The following AFF3 variants were observed in gnomAD, a reference collection of about 807,000 sequenced individuals.
The protein encoded by AFF3 is ALF transcription elongation factor 3, also known as AF4/FMR2 family member 3.
AFF3 carries 32 observed loss-of-function variants against 129.7 expected under a neutral mutation model. The ratio of observed to expected loss-of-function variants is 0.25; its 90% CI spans 0.19 to 0.33. The LOEUF is 0.33. Among genes scored for constraint, AFF3 ranks in the 10% least tolerant of loss-of-function variants. AFF3 has a pLI of 1.00. For synonymous variants in AFF3, 644 were observed against 635.4 expected, an observed-to-expected ratio of 1.01 and a Z score of -0.20; for missense variants, 1,373 against 1,592.0, an observed-to-expected ratio of 0.86 and a Z score of 2.34.
chr2:99,582,062 C>T (rs1397460627), intron 17 of AFF3, among the ~76,000 whole-genome samples: 1 of 151,980 alleles, frequency 6.6e-6, no homozygotes, highest in Non-Finnish European at 1.5e-5. Context: ...ACCATGTTGG[C>T]CAGGCTGGTC....
At chr2:100,043,297 G>A (rs2105070418) in intron 4 of AFF3, among the ~76,000 whole-genome samples, 1 of 152,282 alleles carries the variant, frequency 6.6e-6, no homozygotes, top group Admixed American at 6.5e-5. Flanking sequence ...TGTGGCCTCA[G>A]CTCCAGTCGG....
intron 9 of AFF3, 21 bp from the exon 10 acceptor site, chr2:99,744,161 A>G: frequency 3.1e-6 from 5 of 1,599,094 alleles, no homozygotes; most frequent in Non-Finnish European, 4.3e-6. Flanking sequence ...AAGAAATATC[A>G]ATTAATTTTC....
intron 16 of AFF3, among the ~76,000 whole-genome samples, chr2:99,584,278 G>A (rs1443143118): frequency 2.0e-5 from 3 of 151,916 alleles, no homozygotes; most frequent in Non-Finnish European, 4.4e-5. Flanking sequence ...GACCAGCCTG[G>A]CCAACACGGT....
At chr2:99,658,388 G>T (rs1230104889) in intron 12 of AFF3, among the ~76,000 whole-genome samples, 1 of 152,048 alleles carries the variant, frequency 6.6e-6, no homozygotes, top group East Asian at 1.9e-4. Context: ...CATGTGTGAG[G>T]TTATTAGTGT....
intron 7 of AFF3, among the ~76,000 whole-genome samples, chr2:99,914,131 C>A (rs1032927381): frequency 1.3e-5 from 2 of 152,002 alleles, no homozygotes; most frequent in African/African-American, 4.8e-5. Flanking sequence ...TGGCAGATAC[C>A]CTCTTAACCA....
chr2:99,749,025 T>C lies in AFF3; in HGVS notation c.1002+3196A>G, dbSNP rs191598667. The stretch of plus-strand genomic sequence containing the variant: ...TTCACGCAGTACAATGTCTATGCTG[T>C]GTGTGTGTGTACACATATGTGTGTG... On this transcript the variant is annotated intron_variant, in intron 9 of 24. Coordinates refer to ENST00000672756, the MANE Select transcript of AFF3 (RefSeq NM_001386135.1). 4.5e-3 allele frequency among the ~76,000 whole-genome samples: 681 copies of C among 152,106 alleles called. 3 individuals carry two copies. Among genetic ancestry groups the C allele is most frequent in the African/African-American group, 0.016 (646 of 41,504 alleles).
At chr2:99,921,990 A>G (rs1381830087) in intron 7 of AFF3, among the ~76,000 whole-genome samples, 1 of 152,196 alleles carries the variant, frequency 6.6e-6, no homozygotes, top group Non-Finnish European at 1.5e-5. Flanking sequence ...TAGGAAATAC[A>G]AATTAAAGCC....
chr2:99,694,285 G>A (rs189368925), intron 11 of AFF3, among the ~76,000 whole-genome samples: 1 of 152,286 alleles, frequency 6.6e-6, no homozygotes, highest in Admixed American at 6.5e-5. Context: ...GCACATTAAG[G>A]TCAAATTCTG....
At chr2:100,142,336 G>T (rs1692924381) in intron 1 of AFF3, 148 bp downstream of exon 1, 1 of 151,546 alleles carries the variant, frequency 6.6e-6, no homozygotes, top group Non-Finnish European at 1.5e-5. Context: ...ATCTCGGTGA[G>T]GCTGACCAAG....
chr2:99,981,975 C>T (rs1229144024), intron 7 of AFF3, among the ~76,000 whole-genome samples: 1 of 152,170 alleles, frequency 6.6e-6, no homozygotes, highest in African/African-American at 2.4e-5. Context: ...CAAAAGAAGC[C>T]AGTACCTTCT....
intron 21 of AFF3, among the ~76,000 whole-genome samples, chr2:99,559,217 ACT>A (rs891810485): frequency 1.3e-5 from 2 of 152,144 alleles, no homozygotes; most frequent in Non-Finnish European, 1.5e-5. Flanking sequence ...TAGGTGAATC[ACT>A]CTGTTGGGTC....
rs553197105 is a variant in AFF3 at position 99,782,228 on chromosome 2, G to T, written c.922-29927C>A. ...ACTGTTAACAGAGTGCACCTGAAAG[G>T]CTTAAAGGTAGACCCTACCAAAAGC... is the stretch of plus-strand genomic sequence containing the variant. On this transcript the variant is annotated intron_variant, in intron 8 of 24. Coordinates refer to ENST00000672756, the MANE Select transcript of AFF3 (RefSeq NM_001386135.1). Among the ~76,000 whole-genome samples, 12 of 152,260 alleles carry T rather than the reference G, an allele frequency of 7.9e-5. 1 individual carries two copies. The highest frequency in any genetic ancestry group is 2.0e-4 in the Admixed American group (3 of 15,294).
intron 4 of AFF3, among the ~76,000 whole-genome samples, chr2:100,016,373 T>A (rs1344467425): frequency 6.6e-6 from 1 of 151,228 alleles, no homozygotes; most frequent in African/African-American, 2.4e-5. Context: ...GTGATGGTGA[T>A]GGTGGTGGTT....
chr2:99,559,107 TATA>T, intron 21 of AFF3, 139 bp from the exon 22 acceptor site: 1 of 682,116 alleles, frequency 1.5e-6, no homozygotes, highest in South Asian at 1.9e-5. Flanking sequence ...TATACGTGCA[TATA>T]ATGTCTGTGA....
At chr2:99,640,620 T>A (rs574812603) in intron 13 of AFF3, among the ~76,000 whole-genome samples, 4 of 151,876 alleles carry the variant, frequency 2.6e-5, no homozygotes, top group African/African-American at 9.6e-5. Context: ...GAGGGTTTTT[T>A]TTTTTCTTTT....
chr2:100,116,609 A>T (rs1691745615), intron 2 of AFF3, among the ~76,000 whole-genome samples: 2 of 152,142 alleles, frequency 1.3e-5, no homozygotes, highest in Non-Finnish European at 2.9e-5. Context: ...TTCCAGGAAA[A>T]TTCAAGGACC....
At chr2:100,133,300 T>TAA (rs949973501) in intron 1 of AFF3, among the ~76,000 whole-genome samples, 1 of 150,792 alleles carries the variant, frequency 6.6e-6, no homozygotes. Flanking sequence ...TAAAAACAAT[T>TAA]AAAAAAAAAC....
intron 8 of AFF3, among the ~76,000 whole-genome samples, chr2:99,809,262 C>A (rs937605771): frequency 7.9e-4 from 120 of 152,292 alleles, no homozygotes; most frequent in African/African-American, 2.8e-3. Flanking sequence ...GACAGCAGAG[C>A]GCTTTAGCTG....
At chr2:100,060,700 CT>C (rs999275643) in intron 4 of AFF3, among the ~76,000 whole-genome samples, 13 of 152,164 alleles carry the variant, frequency 8.5e-5, no homozygotes, top group African/African-American at 2.9e-4. Context: ...CCCTCACCCC[CT>C]GGATACCCCT....
Sources: allele counts gnomAD v4.1 joint callset (sites outside exome capture counted in the v4.1 genomes callset), GRCh38; gene constraint gnomAD v4.1.1; transcripts MANE v1.5; gene names NCBI Gene and HGNC (gene_info 2026-07-23, HGNC 2026-07-21).